Variants in SLC35F3 observed in about 807,000 individuals in gnomAD.
SLC35F3 encodes putative thiamine transporter SLC35F3.
A neutral mutation model predicts 49.9 loss-of-function variants in SLC35F3; 25 were observed. The ratio of observed to expected loss-of-function variants is 0.50; its 90% CI spans 0.37 to 0.70. SLC35F3 has a LOEUF of 0.70. SLC35F3 is among the 30% of genes least tolerant of loss of function. The pLI, the probability that SLC35F3 is intolerant of heterozygous loss-of-function variation, is 0.00. For missense variants in SLC35F3, 525 were observed against 639.8 expected (o/e 0.82, Z 1.94); for synonymous variants, 275 against 265.4 (o/e 1.04, Z -0.35).
intron 2 of SLC35F3, among the ~76,000 whole-genome samples, chr1:234,227,392 C>CT (rs369277069): frequency 0.15 from 15,940 of 106,900 alleles, 1,806 homozygotes; most frequent in Non-Finnish European, 0.23. Context: ...CTCTTTCTTT[C>CT]TTTTTTTTTT....
chr1:234,217,572 A>G lies in SLC35F3; in HGVS notation c.284-13845A>G, dbSNP rs559148782. ...CCTTCATGAGGAGGAGGGTTTCTAC[A>G]GAGGAATACTTTCTGAGGGGGGCCT... is the stretch of plus-strand genomic sequence containing the variant. On this transcript the variant is annotated intron_variant, in intron 2 of 7. Coordinates refer to ENST00000366618, the MANE Select transcript of SLC35F3 (RefSeq NM_173508.4). Among the ~76,000 whole-genome samples the G allele has an allele frequency of 2.1e-3, 310 of 150,818 alleles. 1 individual carries two copies. The highest frequency in any genetic ancestry group is 3.7e-3 in the Non-Finnish European group (252 of 67,576).
chr1:234,249,421 C>A (rs1258609549), intron 3 of SLC35F3, among the ~76,000 whole-genome samples: 4 of 152,154 alleles, frequency 2.6e-5, no homozygotes, highest in Admixed American at 6.5e-5. Context: ...AGGAGAGGAA[C>A]CTCCCCCTTA....
intron 2 of SLC35F3, among the ~76,000 whole-genome samples, chr1:234,047,842 T>C (rs528062572): frequency 2.6e-5 from 4 of 152,268 alleles, no homozygotes; most frequent in African/African-American, 7.2e-5. Flanking sequence ...GAAATATGGA[T>C]GTTAACGATG....
intron 2 of SLC35F3, among the ~76,000 whole-genome samples, chr1:233,964,385 C>T (rs1463759247): frequency 6.6e-5 from 10 of 152,260 alleles, no homozygotes; most frequent in African/African-American, 1.9e-4. Flanking sequence ...CTCAGCTCCA[C>T]TCTGCTTATT....
intron 2 of SLC35F3, among the ~76,000 whole-genome samples, chr1:234,194,727 A>G (rs1289630666): frequency 9.9e-5 from 15 of 152,192 alleles, no homozygotes; most frequent in Admixed American, 9.8e-4. Flanking sequence ...CCCTCTAGGC[A>G]TCTCCAGAAT....
chr1:234,187,626 C>T lies in SLC35F3; in HGVS notation c.284-43791C>T, dbSNP rs12074618. Among the ~76,000 whole-genome samples the T allele has an allele frequency of 1.8e-3, 281 of 152,318 alleles. 2 individuals are homozygous for T. Among genetic ancestry groups the T allele is most frequent in the African/African-American group, 6.3e-3 (262 of 41,580 alleles). On this transcript the variant is annotated intron_variant, in intron 2 of 7. Coordinates refer to ENST00000366618, the MANE Select transcript of SLC35F3 (RefSeq NM_173508.4). ...AAGTGGGAAAGGAGGATCATCCGCC[C>T]ATGAACGCGTGCCCTCACTGGGGAA... is the stretch of plus-strand genomic sequence containing the variant.
At chr1:234,262,858 A>G (rs1167476313) in intron 3 of SLC35F3, among the ~76,000 whole-genome samples, 1 of 152,150 alleles carries the variant, frequency 6.6e-6, no homozygotes, top group East Asian at 1.9e-4. Flanking sequence ...GGAAAACAGG[A>G]CTGTTTGTAT....
chr1:233,928,404 A>T (rs953914509), intron 2 of SLC35F3, among the ~76,000 whole-genome samples: 2 of 152,300 alleles, frequency 1.3e-5, no homozygotes, highest in Admixed American at 6.5e-5. Context: ...TTTACACATA[A>T]CCTAAATCTA....
chr1:234,211,781 A>G (rs924241029), intron 2 of SLC35F3, among the ~76,000 whole-genome samples: 1 of 152,188 alleles, frequency 6.6e-6, no homozygotes, highest in Non-Finnish European at 1.5e-5. Flanking sequence ...CTTTTGAGTT[A>G]ATGCTGAAAT....
At chr1:234,267,867 G>T (rs1353361254) in intron 3 of SLC35F3, among the ~76,000 whole-genome samples, 4 of 139,976 alleles carry the variant, frequency 2.9e-5, no homozygotes, top group African/African-American at 5.7e-5. Flanking sequence ...GGGCGGCGGG[G>T]CAGAGGTGCT....
intron 2 of SLC35F3, among the ~76,000 whole-genome samples, chr1:234,218,590 G>A (rs1257333569): frequency 6.6e-6 from 1 of 152,124 alleles, no homozygotes; most frequent in Admixed American, 6.5e-5. Flanking sequence ...TTATAGATAA[G>A]GAAACTGAGG....
intron 2 of SLC35F3, among the ~76,000 whole-genome samples, chr1:234,079,500 A>G (rs1342722094): frequency 6.6e-6 from 1 of 152,254 alleles, no homozygotes; most frequent in Non-Finnish European, 1.5e-5. Context: ...TTTGCAAATT[A>G]TATATTTTGA....
At chr1:234,164,342 C>T (rs547789988) in intron 2 of SLC35F3, among the ~76,000 whole-genome samples, 16 of 150,334 alleles carry the variant, frequency 1.1e-4, no homozygotes, top group Middle Eastern at 3.4e-3. Context: ...CCGTCTTTCT[C>T]TCTCCCCCCT....
chr1:233,933,994 T>C (rs1348576781), intron 2 of SLC35F3, among the ~76,000 whole-genome samples: 2 of 152,240 alleles, frequency 1.3e-5, no homozygotes, highest in African/African-American at 4.8e-5. Context: ...CTCTTTGTTT[T>C]CTACTCTATT....
intron 2 of SLC35F3, among the ~76,000 whole-genome samples, chr1:234,117,962 G>GTA (rs1177212947): frequency 9.5e-6 from 1 of 105,798 alleles, no homozygotes; most frequent in African/African-American, 2.8e-5. Flanking sequence ...GTGTGTGTGT[G>GTA]TGTATATATA....
Position 233,957,713 on chromosome 1 carries a change from G to C in SLC35F3, c.283+51955G>C, listed in dbSNP as rs761952685. 4.6e-5 allele frequency among the ~76,000 whole-genome samples: 7 copies of C among 152,094 alleles called. No individual in the cohort carries two copies. The highest frequency in any genetic ancestry group is 1.0e-4 in the Non-Finnish European group (7 of 68,002). ...GCCTGTACTCCCAGCTACTTGGGAG[G>C]CTGAGGCAGGAGAATCACTTGAACC... On this transcript the variant is annotated intron_variant, in intron 2 of 7. Coordinates refer to ENST00000366618, the MANE Select transcript of SLC35F3 (RefSeq NM_173508.4). The surrounding 1 kb of genome is among the most constrained non-coding windows in gnomAD (Gnocchi z 4.0).
At chr1:234,187,377 A>G (rs1029935542) in intron 2 of SLC35F3, among the ~76,000 whole-genome samples, 6 of 152,334 alleles carry the variant, frequency 3.9e-5, no homozygotes, top group Admixed American at 2.0e-4. Flanking sequence ...GAGCAGCTCC[A>G]AGGAGAGGGG....
At chr1:234,014,567 T>C (rs1413767572) in intron 2 of SLC35F3, among the ~76,000 whole-genome samples, 1 of 152,210 alleles carries the variant, frequency 6.6e-6, no homozygotes, top group Non-Finnish European at 1.5e-5. Flanking sequence ...TGATCTTGTA[T>C]GTATGTATAA....
Position 234,051,869 on chromosome 1 carries a change from A to G in SLC35F3, c.283+146111A>G, listed in dbSNP as rs1664382889. ...CATGAAGCACTGTTGAATTCTGTTG[A>G]AGGCCTTTTCTGCATCTATTGAGAT... On this transcript the variant is annotated intron_variant, in intron 2 of 7. Transcript: ENST00000366618. Among the ~76,000 whole-genome samples the G allele has an allele frequency of 2.0e-5, 3 of 152,294 alleles. No individual in the cohort carries two copies. The South Asian group carries it at 6.2e-4, about 32-fold the overall frequency.
Sources: gnomAD v4.1 joint callset for allele counts (sites outside exome capture counted in the v4.1 genomes callset) on GRCh38, gnomAD v4.1.1 for gene constraint, Gnocchi (gnomAD v3.1) non-coding constraint, MANE v1.5 for transcripts, NCBI Gene and HGNC (gene_info 2026-07-23, HGNC 2026-07-21) for gene names.